The following KITLG variants were observed in gnomAD, a reference collection of about 807,000 sequenced individuals.
The protein encoded by KITLG is KIT ligand.
A neutral mutation model predicts 34.1 loss-of-function variants in KITLG; 13 were observed. That is an observed-to-expected ratio of 0.38 (90% CI 0.25 to 0.61). The LOEUF (loss-of-function observed/expected upper bound fraction) is 0.61, where lower values mean the gene tolerates loss of function less well. KITLG is among the 20% of genes least tolerant of loss of function. The probability of loss-of-function intolerance (pLI) is 0.60; values close to 1 mark genes in which losing one functional copy is unlikely to be tolerated. For synonymous variants in KITLG, 110 were observed against 104.0 expected (o/e 1.06, Z -0.35); for missense variants, 292 against 318.9 (o/e 0.92, Z 0.64).
intron 1 of KITLG, among the ~76,000 whole-genome samples, chr12:88,573,365 AC>A (rs1871720610): frequency 2.0e-5 from 3 of 152,158 alleles, no homozygotes; most frequent in Non-Finnish European, 4.4e-5. Context: ...TGAGAAAGGA[AC>A]TCCAAGTAAA....
chr12:88,545,441 G>A (rs936708657), intron 2 of KITLG, among the ~76,000 whole-genome samples: 1 of 152,144 alleles, frequency 6.6e-6, no homozygotes, highest in African/African-American at 2.4e-5. Context: ...GAACAAGCTG[G>A]GGCAAGCCCA....
intron 6 of KITLG, among the ~76,000 whole-genome samples, chr12:88,510,136 C>G (rs929617983): frequency 6.6e-6 from 1 of 152,124 alleles, no homozygotes; most frequent in Admixed American, 6.5e-5. Context: ...CTAATAATAA[C>G]CAACATCTGT....
rs778888558 is a variant in KITLG at position 88,550,510 on chromosome 12, G to A, written c.16-4645C>T. On this transcript the variant is annotated intron_variant, in intron 1 of 9. Transcript: ENST00000644744. ...GGTTGTGTTTTGGGAACAATTCCAT[G>A]AATAGAGCTAAAAGTTACTGAACAT... Among the ~76,000 whole-genome samples the A allele has an allele frequency of 5.3e-5, 8 of 152,300 alleles. 1 individual carries two copies. Among genetic ancestry groups the A allele is most frequent in the Middle Eastern group, 6.8e-3 (2 of 294 alleles).
chr12:88,531,128 T>C (rs1256122001), intron 3 of KITLG, among the ~76,000 whole-genome samples: 1 of 152,198 alleles, frequency 6.6e-6, no homozygotes, highest in African/African-American at 2.4e-5. Flanking sequence ...TAAGCGAACT[T>C]CAAAGTATAG....
chr12:88,522,065 G>A (rs937900096), intron 3 of KITLG, among the ~76,000 whole-genome samples: 2 of 151,960 alleles, frequency 1.3e-5, no homozygotes, highest in African/African-American at 4.8e-5. Context: ...CTCGCTAAAT[G>A]ATTAAATAAA....
intron 1 of KITLG, among the ~76,000 whole-genome samples, chr12:88,555,465 T>C (rs755556097): frequency 1.6e-4 from 25 of 152,182 alleles, no homozygotes; most frequent in South Asian, 1.0e-3. Context: ...ACCTACACTA[T>C]CTATGCTGGA....
intron 9 of KITLG, among the ~76,000 whole-genome samples, chr12:88,503,805 T>C (rs1433300618): frequency 6.6e-6 from 1 of 152,188 alleles, no homozygotes; most frequent in East Asian, 1.9e-4. Flanking sequence ...TGAACTATTA[T>C]AATGCATAAT....
intron 2 of KITLG, among the ~76,000 whole-genome samples, chr12:88,543,668 C>T (rs1173447253): frequency 6.6e-6 from 1 of 152,154 alleles, no homozygotes; most frequent in Non-Finnish European, 1.5e-5. Flanking sequence ...TGAACATCAT[C>T]TACTTTGCTT....
At chr12:88,571,542 C>T (rs1871651186) in intron 1 of KITLG, among the ~76,000 whole-genome samples, 2 of 152,178 alleles carry the variant, frequency 1.3e-5, no homozygotes, top group South Asian at 4.1e-4. Context: ...GCACCAAACA[C>T]ATTTGTGTGT....
chr12:88,498,128 C>T (rs1868711503), intron 9 of KITLG, among the ~76,000 whole-genome samples: 1 of 152,114 alleles, frequency 6.6e-6, no homozygotes, highest in Non-Finnish European at 1.5e-5. Flanking sequence ...ATGGTATCAT[C>T]CCATCTTCAA....
intron 1 of KITLG, among the ~76,000 whole-genome samples, chr12:88,576,838 G>A (rs1403600411): frequency 2.6e-5 from 4 of 151,994 alleles, no homozygotes; most frequent in Non-Finnish European, 5.9e-5. Context: ...CTATTTGAGT[G>A]AGAAATTTTT....
chr12:88,546,023 A>C (rs760649450), intron 1 of KITLG, 158 bp from the exon 2 acceptor site: 105 of 725,436 alleles, frequency 1.4e-4, no homozygotes, highest in Non-Finnish European at 2.4e-4. Flanking sequence ...TATGCTCACC[A>C]AAGTTTTTAA....
chr12:88,497,450 G>C (rs1051326195), intron 9 of KITLG, among the ~76,000 whole-genome samples: 1 of 152,048 alleles, frequency 6.6e-6, no homozygotes, highest in Non-Finnish European at 1.5e-5. Context: ...AGCTCCATGA[G>C]GGCAGGGAGC....
chr12:88,552,223 G>A (rs565661020), intron 1 of KITLG, among the ~76,000 whole-genome samples: 2 of 148,332 alleles, frequency 1.3e-5, no homozygotes, highest in African/African-American at 5.0e-5. Flanking sequence ...TGCTCAGGCT[G>A]GGATGCAGTG....
At chr12:88,508,918 T>G (rs1281793554) in intron 6 of KITLG, among the ~76,000 whole-genome samples, 1 of 152,188 alleles carries the variant, frequency 6.6e-6, no homozygotes, top group Non-Finnish European at 1.5e-5. Flanking sequence ...AAAAGTGCTC[T>G]CTATATGAAA....
In KITLG at chr12:88,505,203, T is replaced by A; in HGVS notation, c.815A>T (p.Glu272Val). 1 of 1,610,232 alleles carries A rather than the reference T, an allele frequency of 6.2e-7. No individual in the cohort carries two copies. Among genetic ancestry groups the A allele is most frequent in the Non-Finnish European group, 8.5e-7 (1 of 1,176,642 alleles). The change falls in exon 9 of 10, where the codon GAA becomes GTA. Residue 272 changes from glutamate to valine, a missense_variant. Glu to Val is a moderately radical substitution (Grantham distance 121). Around this residue, in one of 2 missense-constraint regions of KITLG, gnomAD observed 140 missense variants for 111.0 expected, o/e 1.26. Coordinates refer to ENST00000644744, the MANE Select transcript of KITLG (RefSeq NM_000899.5). ...TGTTGATACAAGCCACAATTACACT[T>A]CTTGAAACTCTCTCTCTTTCTCTTG... ...MLQEKEREFQ[E>V]V
intron 6 of KITLG, among the ~76,000 whole-genome samples, chr12:88,513,422 C>G (rs1441790005): frequency 6.6e-6 from 1 of 151,402 alleles, no homozygotes; most frequent in Non-Finnish European, 1.5e-5. Flanking sequence ...GATTAAAATC[C>G]AACTATACCA....
chr12:88,522,712 G>C (rs1227091391), intron 3 of KITLG, among the ~76,000 whole-genome samples: 1 of 152,106 alleles, frequency 6.6e-6, no homozygotes, highest in Non-Finnish European at 1.5e-5. Flanking sequence ...ACAGGAGTGA[G>C]CCACCGCGCC....
At chr12:88,562,146 A>G (rs1353180430) in intron 1 of KITLG, among the ~76,000 whole-genome samples, 1 of 152,218 alleles carries the variant, frequency 6.6e-6, no homozygotes, top group African/African-American at 2.4e-5. Flanking sequence ...CCTTTCTCAT[A>G]GTACATAATC....
Sources: allele counts gnomAD v4.1 joint callset (sites outside exome capture counted in the v4.1 genomes callset), GRCh38; gene constraint gnomAD v4.1.1; regional missense constraint gnomAD v4.1.1; transcripts MANE v1.5; gene names NCBI Gene and HGNC (gene_info 2026-07-23, HGNC 2026-07-21).